Variants in NPTN observed in about 807,000 individuals in gnomAD.
NPTN encodes SDR-1.
A neutral mutation model predicts 42.7 loss-of-function variants in NPTN; 5 were observed. The ratio of observed to expected loss-of-function variants is 0.12; its 90% confidence interval spans 0.06 to 0.25. The LOEUF (loss-of-function observed/expected upper bound fraction) is 0.25, where lower values mean the gene tolerates loss of function less well. Ranked by LOEUF, NPTN falls within the 10% of genes least tolerant of loss-of-function variation. The probability of loss-of-function intolerance (pLI) is 1.00; values close to 1 mark genes in which losing one functional copy is unlikely to be tolerated. For missense variants in NPTN, 307 were observed against 525.4 expected, an observed-to-expected ratio of 0.58 and a Z score of 4.06; for synonymous variants, 180 against 201.9, an observed-to-expected ratio of 0.89 and a Z score of 0.92.
At chr15:73,630,916 A>G (rs937062972) in intron 1 of NPTN, among the ~76,000 whole-genome samples, 4 of 152,230 alleles carry the variant, frequency 2.6e-5, no homozygotes, top group African/African-American at 9.6e-5. Context: ...ACTCAAACTC[A>G]AAAATAGCCA....
At chr15:73,580,420 TAATATATATATAATATATATA>T (rs1182512305) in intron 4 of NPTN, among the ~76,000 whole-genome samples, 2,304 of 113,918 alleles carry the variant, frequency 0.02, 29 homozygotes, top group East Asian at 0.03. Context: ...AATATATATA[TAATATATATATAATATATATA>T]ATATATATGT....
chr15:73,572,033 T>C (rs939143843), intron 5 of NPTN, among the ~76,000 whole-genome samples: 2 of 152,180 alleles, frequency 1.3e-5, no homozygotes, highest in African/African-American at 4.8e-5. Flanking sequence ...TTCAGTGTCT[T>C]GTAAAAAAGA....
intron 6 of NPTN, among the ~76,000 whole-genome samples, chr15:73,565,124 C>T (rs1161160752): frequency 6.6e-6 from 1 of 152,196 alleles, no homozygotes; most frequent in East Asian, 1.9e-4. Context: ...ACAGTGCCTC[C>T]GGCATAGCTG....
chr15:73,599,611 C>CAAAAAAAA (rs1174102379), intron 1 of NPTN: 1 of 35,168 alleles, frequency 2.8e-5, no homozygotes. Context: ...GAGACTCCGT[C>CAAAAAAAA]AAAAAAAAAA....
chr15:73,584,061 A>G (rs1263078202), intron 4 of NPTN, among the ~76,000 whole-genome samples: 1 of 152,212 alleles, frequency 6.6e-6, no homozygotes, highest in African/African-American at 2.4e-5. Context: ...AACAAGATCA[A>G]TCCTGGCTCT....
chr15:73,594,046 A>G (rs761755277), intron 2 of NPTN, among the ~76,000 whole-genome samples: 3 of 152,226 alleles, frequency 2.0e-5, no homozygotes, highest in Non-Finnish European at 2.9e-5. Flanking sequence ...AAACCAAGCA[A>G]AAACAAAAGA....
chr15:73,571,723 T>C (rs1259261026), intron 5 of NPTN, among the ~76,000 whole-genome samples: 2 of 151,958 alleles, frequency 1.3e-5, no homozygotes, highest in Non-Finnish European at 2.9e-5. Flanking sequence ...AACAGACTCA[T>C]GTGTCTTTAC....
intron 4 of NPTN, among the ~76,000 whole-genome samples, chr15:73,585,174 T>C (rs1036850834): frequency 1.1e-4 from 16 of 152,328 alleles, no homozygotes; most frequent in African/African-American, 3.6e-4. Flanking sequence ...ACATGCCCTG[T>C]TGTGCTGATT....
intron 1 of NPTN, among the ~76,000 whole-genome samples, chr15:73,603,974 C>G (rs893344316): frequency 6.6e-6 from 1 of 152,148 alleles, no homozygotes; most frequent in African/African-American, 2.4e-5. Context: ...TGTAAGAGTT[C>G]TGTAAACTAC....
chr15:73,568,906 G>C (rs1895203615), intron 6 of NPTN: 1 of 985,504 alleles, frequency 1.0e-6, no homozygotes. Flanking sequence ...AGGGGCTGTT[G>C]CTCTCAAACA....
intron 3 of NPTN, among the ~76,000 whole-genome samples, chr15:73,588,795 C>T (rs536600035): frequency 6.6e-6 from 1 of 152,312 alleles, no homozygotes; most frequent in African/African-American, 2.4e-5. Flanking sequence ...CAATACTTAT[C>T]ATGTGTGTGA....
At position 73,582,174 on chromosome 15, in the gene NPTN, GCAACTTATCTT is replaced by G. The variant is rs1363694215; in HGVS notation, c.706+5339_706+5349del. 2.6e-5 allele frequency among the ~76,000 whole-genome samples: 4 copies of G among 152,176 alleles called. No homozygotes were observed. The East Asian group carries it at 7.7e-4, about 29-fold the overall frequency. The stretch of plus-strand genomic sequence containing the variant: ...CTTTTTAAAGCATGTTCATAACCCA[GCAACTTATCTT>G]CAAAGAAAATCTATCCTTAAAGGTG... On this transcript the variant is annotated intron_variant, in intron 4 of 8. Transcript: ENST00000345330.
At chr15:73,565,113 G>A (rs1398500407) in intron 6 of NPTN, among the ~76,000 whole-genome samples, 6 of 152,206 alleles carry the variant, frequency 3.9e-5, no homozygotes, top group Non-Finnish European at 7.3e-5. Context: ...GTGTTTTAGC[G>A]ACAGTGCCTC....
chr15:73,617,335 TAATTTTTAAAAATCC>T (rs1897912170), intron 1 of NPTN, among the ~76,000 whole-genome samples: 1 of 152,248 alleles, frequency 6.6e-6, no homozygotes, highest in Admixed American at 6.5e-5. Context: ...AATCCTTTCA[TAATTTTTAAAAATCC>T]AATAACTTTT....
intron 1 of NPTN, among the ~76,000 whole-genome samples, chr15:73,605,997 G>C (rs1287010150): frequency 6.6e-6 from 1 of 152,138 alleles, no homozygotes; most frequent in African/African-American, 2.4e-5. Context: ...AGGAGGTGGA[G>C]GTTGCAGTGA....
rs889772724 is a variant in NPTN at position 73,585,933 on chromosome 15, G to A, written c.706+1591C>T. ...CAACTGCTGCTTCCTACCTGCTGAA[G>A]AGACTATGAAGAAAGATGCCTCTAG... is the stretch of plus-strand genomic sequence containing the variant. On this transcript the variant is annotated intron_variant, in intron 4 of 8. Coordinates refer to ENST00000345330, the MANE Select transcript of NPTN (RefSeq NM_012428.4). Among the ~76,000 whole-genome samples the A allele has an allele frequency of 4.6e-5, 7 of 152,194 alleles. 1 individual carries two copies. Among genetic ancestry groups the A allele is most frequent in the Admixed American group, 4.6e-4 (7 of 15,280 alleles).
intron 4 of NPTN, 145 bp downstream of exon 4, chr15:73,587,379 C>T (rs965514973): frequency 1.7e-5 from 10 of 595,268 alleles, no homozygotes; most frequent in African/African-American, 1.5e-4. Context: ...CAGGCAGCCA[C>T]GATCCTGAGC....
In NPTN at chr15:73,600,835, T is replaced by C. The variant is rs575832734; in HGVS notation, c.92-3466A>G. On this transcript the variant is annotated intron_variant, in intron 1 of 8. Coordinates refer to ENST00000345330, the MANE Select transcript of NPTN (RefSeq NM_012428.4). ...GAGAAGCACTGGGTCAAAGAGTTCT[T>C]AAAGCAACTGGGGGGAGGGTGAACA... is the stretch of plus-strand genomic sequence containing the variant. Among the ~76,000 whole-genome samples the C allele has an allele frequency of 9.2e-5, 14 of 152,236 alleles. No individual in the cohort carries two copies. In the South Asian group the frequency reaches 2.5e-3, roughly 27 times the overall value.
intron 4 of NPTN, among the ~76,000 whole-genome samples, chr15:73,585,615 G>A (rs542492796): frequency 1.3e-5 from 2 of 152,192 alleles, no homozygotes; most frequent in Non-Finnish European, 2.9e-5. Context: ...CCAGGTGTTG[G>A]GGGGAGAAGG....
Sources: allele counts gnomAD v4.1 joint callset (sites outside exome capture counted in the v4.1 genomes callset), GRCh38; gene constraint gnomAD v4.1.1; transcripts MANE v1.5; gene names NCBI Gene and HGNC (gene_info 2026-07-23, HGNC 2026-07-21).